The following PTPRD variants were observed in gnomAD, a reference collection of about 807,000 sequenced individuals.
PTPRD encodes receptor-type tyrosine-protein phosphatase delta.
A neutral mutation model predicts 214.5 loss-of-function variants in PTPRD; 34 were observed. That is an observed-to-expected ratio of 0.16 (90% CI 0.12 to 0.21). PTPRD has a LOEUF of 0.21. Ranked by LOEUF, PTPRD falls within the 10% of genes least tolerant of loss-of-function variation. PTPRD has a pLI of 1.00. For synonymous variants in PTPRD, 1,128 were observed against 845.7 expected, an observed-to-expected ratio of 1.33 and a Z score of -5.79; for missense variants, 2,545 against 2,398.7, an observed-to-expected ratio of 1.06 and a Z score of -1.27.
chr9:8,981,810 T>C (rs2099314156), intron 11 of PTPRD, among the ~76,000 whole-genome samples: 1 of 152,086 alleles, frequency 6.6e-6, no homozygotes, highest in Non-Finnish European at 1.5e-5. Context: ...TATTTGGCTT[T>C]CTAATTTTCT....
At chr9:10,004,640 G>GCA (rs143285970) in intron 4 of PTPRD, among the ~76,000 whole-genome samples, 113 of 150,622 alleles carry the variant, frequency 7.5e-4, no homozygotes, top group African/African-American at 2.7e-3. Flanking sequence ...CACACACACC[G>GCA]CACACACACA....
chr9:8,994,006 T>C (rs1462322350), intron 11 of PTPRD, among the ~76,000 whole-genome samples: 2 of 152,130 alleles, frequency 1.3e-5, no homozygotes, highest in Non-Finnish European at 2.9e-5. Context: ...AAGCACTGAA[T>C]TGGTACATGT....
At chr9:10,199,264 T>C (rs2099410054) in intron 3 of PTPRD, among the ~76,000 whole-genome samples, 1 of 152,108 alleles carries the variant, frequency 6.6e-6, no homozygotes. Context: ...AATTACTTAG[T>C]GTATAGTTAG....
At chr9:9,837,741 C>G (rs1023039585) in intron 5 of PTPRD, among the ~76,000 whole-genome samples, 2 of 151,626 alleles carry the variant, frequency 1.3e-5, no homozygotes. Context: ...TTTCTGTTCT[C>G]TGTCCTTGCT....
At chr9:9,743,743 C>CACACACACACAT (rs2098428762) in intron 6 of PTPRD, among the ~76,000 whole-genome samples, 1 of 148,694 alleles carries the variant, frequency 6.7e-6, no homozygotes, top group Non-Finnish European at 1.5e-5. Flanking sequence ...CACACACACA[C>CACACACACACAT]ACACACACAC....
chr9:9,057,021 C>T (rs2099697522), intron 10 of PTPRD, among the ~76,000 whole-genome samples: 1 of 152,034 alleles, frequency 6.6e-6, no homozygotes, highest in South Asian at 2.1e-4. Flanking sequence ...TTTTCTCTTT[C>T]CTCAGGGGGG....
intron 12 of PTPRD, among the ~76,000 whole-genome samples, chr9:8,657,678 T>C (rs7868744): frequency 0.28 from 41,912 of 151,984 alleles, 6,268 homozygotes; most frequent in African/African-American, 0.4. Flanking sequence ...GTTGCAATTG[T>C]TTTTGGGGTA....
At chr9:9,561,482 C>G (rs918895246) in intron 8 of PTPRD, among the ~76,000 whole-genome samples, 1 of 152,260 alleles carries the variant, frequency 6.6e-6, no homozygotes, top group South Asian at 2.1e-4. Context: ...TCTTTTTCAT[C>G]AACACTACTA....
rs185385639 is a variant in PTPRD at position 9,107,389 on chromosome 9, A to T, written c.-143+75915T>A. On this transcript the variant is annotated intron_variant, in intron 10 of 45. Transcript: ENST00000381196. ...TGCTTGATTGCCAATAAGTGTTTGTATGTGTGACCAAATTTCATCTACCAG... is the reference window on the plus strand; with the variant it reads ...TGCTTGATTGCCAATAAGTGTTTGTTTGTGTGACCAAATTTCATCTACCAG... Among the ~76,000 whole-genome samples, 38 of 152,336 alleles carry T rather than the reference A, an allele frequency of 2.5e-4. No individual in the cohort carries two copies. In the East Asian group the frequency reaches 6.0e-3, roughly 24 times the overall value.
intron 6 of PTPRD, among the ~76,000 whole-genome samples, chr9:9,764,462 TAA>T (rs1051700587): frequency 5.3e-5 from 8 of 152,120 alleles, no homozygotes; most frequent in African/African-American, 1.4e-4. Context: ...CCTAAAAAGA[TAA>T]AGACAAATAT....
At chr9:10,277,042 CA>C (rs1250181995) in intron 3 of PTPRD, among the ~76,000 whole-genome samples, 6 of 152,150 alleles carry the variant, frequency 3.9e-5, no homozygotes, top group African/African-American at 1.4e-4. Context: ...AAGGAAGTAG[CA>C]GAGGGCTACC....
chr9:8,923,692 A>G (rs560703362), intron 11 of PTPRD, among the ~76,000 whole-genome samples: 1 of 152,292 alleles, frequency 6.6e-6, no homozygotes, highest in South Asian at 2.1e-4. Context: ...AAATAACAAA[A>G]CTTAGGTAAA....
chr9:9,257,824 A>G (rs1326227823), intron 9 of PTPRD, among the ~76,000 whole-genome samples: 1 of 151,832 alleles, frequency 6.6e-6, no homozygotes. Flanking sequence ...GAAAATGCCA[A>G]CTCTATGCAA....
At chr9:8,510,980 C>A (rs555972111) in intron 21 of PTPRD, among the ~76,000 whole-genome samples, 2 of 151,842 alleles carry the variant, frequency 1.3e-5, no homozygotes, top group African/African-American at 4.8e-5. Flanking sequence ...TACAGAGGTT[C>A]CATTTCACAT....
intron 8 of PTPRD, among the ~76,000 whole-genome samples, chr9:9,568,553 C>G (rs2085321700): frequency 6.6e-6 from 1 of 151,886 alleles, no homozygotes; most frequent in Non-Finnish European, 1.5e-5. Context: ...TTGATATTAA[C>G]CATCCAATTA....
chr9:8,470,375 G>A (rs991483581), intron 31 of PTPRD, among the ~76,000 whole-genome samples: 1 of 152,076 alleles, frequency 6.6e-6, no homozygotes, highest in African/African-American at 2.4e-5. Flanking sequence ...ACCTGCTGTT[G>A]CAAGATTTTG....
At chr9:10,455,402 C>A (rs1411967608) in intron 2 of PTPRD, among the ~76,000 whole-genome samples, 2 of 151,722 alleles carry the variant, frequency 1.3e-5, no homozygotes, top group East Asian at 1.9e-4. Flanking sequence ...TCAACTATCA[C>A]CTTATGCAAA....
intron 11 of PTPRD, among the ~76,000 whole-genome samples, chr9:8,746,769 G>A (rs1016038052): frequency 3.3e-5 from 5 of 152,272 alleles, no homozygotes; most frequent in Non-Finnish European, 5.9e-5. Flanking sequence ...TGAGGCAGGA[G>A]GATCACTTGA....
intron 39 of PTPRD, among the ~76,000 whole-genome samples, chr9:8,361,036 T>G (rs577830411): frequency 6.6e-6 from 1 of 152,370 alleles, no homozygotes; most frequent in East Asian, 1.9e-4. Context: ...TTTTTCTGTT[T>G]CTGTAGATTT....
Sources: gnomAD v4.1 joint callset for allele counts (sites outside exome capture counted in the v4.1 genomes callset) on GRCh38, gnomAD v4.1.1 for gene constraint, MANE v1.5 for transcripts, NCBI Gene and HGNC (gene_info 2026-07-23, HGNC 2026-07-21) for gene names.